Variants in THSD7B observed in about 807,000 individuals in gnomAD.
THSD7B encodes thrombospondin type 1 domain containing 7B.
A neutral mutation model predicts 213.6 loss-of-function variants in THSD7B; 138 were observed. The observed-to-expected ratio is 0.65, with a 90% CI of 0.56 to 0.74. The LOEUF (loss-of-function observed/expected upper bound fraction) is 0.74. Among genes scored for constraint, THSD7B ranks in the 30% least tolerant of loss-of-function variants. The probability of loss-of-function intolerance (pLI) is 0.00; values close to 1 mark genes in which losing one functional copy is unlikely to be tolerated. For synonymous variants in THSD7B, 742 were observed against 687.0 expected (o/e 1.08, Z -1.25); for missense variants, 1,931 against 1,991.5 (o/e 0.97, Z 0.58).
At chr2:137,227,110 AC>A (rs1389384023) in intron 7 of THSD7B, among the ~76,000 whole-genome samples, 1 of 152,148 alleles carries the variant, frequency 6.6e-6, no homozygotes, top group Non-Finnish European at 1.5e-5. Context: ...ATGGGGCTTT[AC>A]TTTGGAGTGA....
intron 2 of THSD7B, among the ~76,000 whole-genome samples, chr2:136,894,790 G>A (rs1683924682): frequency 6.6e-6 from 1 of 152,056 alleles, no homozygotes; most frequent in African/African-American, 2.4e-5. Context: ...GCACGTTAAA[G>A]TTTATTTTCT....
At chr2:137,367,077 CT>C (rs759809504) in intron 12 of THSD7B, among the ~76,000 whole-genome samples, 259 of 147,202 alleles carry the variant, frequency 1.8e-3, no homozygotes, top group African/African-American at 5.6e-3. Flanking sequence ...TGAATGGTTG[CT>C]TTTTTTTTTG....
chr2:137,632,054 A>C (rs953474368), intron 20 of THSD7B, among the ~76,000 whole-genome samples: 2 of 152,154 alleles, frequency 1.3e-5, no homozygotes, highest in African/African-American at 4.8e-5. Flanking sequence ...AAGGTTACAT[A>C]GTTTGTCAGT....
intron 2 of THSD7B, among the ~76,000 whole-genome samples, chr2:137,005,926 G>A (rs1211905964): frequency 6.6e-6 from 1 of 152,128 alleles, no homozygotes; most frequent in African/African-American, 2.4e-5. Flanking sequence ...ATGTGTCTGT[G>A]TATCCCATAG....
chr2:136,971,291 T>C (rs1404391995), intron 2 of THSD7B, among the ~76,000 whole-genome samples: 3 of 151,904 alleles, frequency 2.0e-5, no homozygotes, highest in Admixed American at 1.3e-4. Context: ...TATGTCATGG[T>C]ATTCTGAGTA....
intron 12 of THSD7B, among the ~76,000 whole-genome samples, chr2:137,359,561 A>G (rs1476061414): frequency 6.6e-6 from 1 of 152,160 alleles, no homozygotes; most frequent in Non-Finnish European, 1.5e-5. Context: ...AGGGTGGTAG[A>G]ATAGAGATGA....
chr2:137,314,924 G>T (rs1207040258), intron 12 of THSD7B, among the ~76,000 whole-genome samples: 1 of 152,188 alleles, frequency 6.6e-6, no homozygotes, highest in Non-Finnish European at 1.5e-5. Context: ...GTCAGACAGG[G>T]ACATTTAAGT....
At chr2:137,323,100 T>C (rs2104881639) in intron 12 of THSD7B, among the ~76,000 whole-genome samples, 1 of 152,164 alleles carries the variant, frequency 6.6e-6, no homozygotes, top group African/African-American at 2.4e-5. Flanking sequence ...TCAAGGAATG[T>C]GATAATAGAG....
intron 17 of THSD7B, among the ~76,000 whole-genome samples, chr2:137,580,356 G>T (rs1681548591): frequency 6.6e-6 from 1 of 152,032 alleles, no homozygotes; most frequent in African/African-American, 2.4e-5. Context: ...AATGTCTGAA[G>T]AAACAAATGG....
chr2:137,155,783 G>A (rs1219756989), intron 5 of THSD7B, among the ~76,000 whole-genome samples: 1 of 152,180 alleles, frequency 6.6e-6, no homozygotes, highest in Non-Finnish European at 1.5e-5. Context: ...AGGTATAAAG[G>A]GTTTAAAGTG....
intron 3 of THSD7B, among the ~76,000 whole-genome samples, chr2:137,080,767 T>C (rs1190935506): frequency 6.6e-6 from 1 of 152,164 alleles, no homozygotes; most frequent in Non-Finnish European, 1.5e-5. Context: ...TTTCATAGCA[T>C]GAAATATTTA....
chr2:137,078,251 A>C (rs1687671513), intron 3 of THSD7B, among the ~76,000 whole-genome samples: 2 of 152,196 alleles, frequency 1.3e-5, no homozygotes, highest in African/African-American at 4.8e-5. Flanking sequence ...GTTTGAAGTC[A>C]GATAGCGTGA....
chr2:137,086,932 A>G (rs1006597160), intron 3 of THSD7B, among the ~76,000 whole-genome samples: 2 of 152,254 alleles, frequency 1.3e-5, no homozygotes, highest in African/African-American at 4.8e-5. Flanking sequence ...TAACACATAG[A>G]GATATGTACA....
At chr2:137,051,735 T>G (rs1687074309) in intron 2 of THSD7B, among the ~76,000 whole-genome samples, 3 of 152,140 alleles carry the variant, frequency 2.0e-5, no homozygotes, top group Non-Finnish European at 4.4e-5. Context: ...AAACATCTCT[T>G]CTTATTGCAT....
chr2:137,372,485 G>C (rs933308637), intron 12 of THSD7B, among the ~76,000 whole-genome samples: 1 of 151,744 alleles, frequency 6.6e-6, no homozygotes, highest in East Asian at 1.9e-4. Flanking sequence ...GGAGACAAAA[G>C]TTACAGGCAA....
At chr2:137,472,827 T>TA (rs1445893537) in intron 15 of THSD7B, among the ~76,000 whole-genome samples, 2 of 152,200 alleles carry the variant, frequency 1.3e-5, no homozygotes, top group African/African-American at 4.8e-5. Context: ...ATTGAGATCT[T>TA]AGGCATTTTG....
At chr2:137,262,167 A>G (rs1682467473) in intron 10 of THSD7B, among the ~76,000 whole-genome samples, 1 of 152,192 alleles carries the variant, frequency 6.6e-6, no homozygotes, top group Non-Finnish European at 1.5e-5. Flanking sequence ...TAAAGCATTT[A>G]TAGAGTAGGG....
intron 12 of THSD7B, among the ~76,000 whole-genome samples, chr2:137,369,632 C>T (rs1211480455): frequency 6.6e-6 from 1 of 152,180 alleles, no homozygotes; most frequent in East Asian, 1.9e-4. Flanking sequence ...CCTTTCCACG[C>T]AACTCAGTAA....
intron 15 of THSD7B, among the ~76,000 whole-genome samples, chr2:137,510,372 G>GTA (rs1329567648): frequency 2.0e-5 from 3 of 152,020 alleles, no homozygotes; most frequent in Admixed American, 2.0e-4. Context: ...TTTTGCACAA[G>GTA]TACGGGTCCA....
Sources: gnomAD v4.1 joint callset for allele counts (sites outside exome capture counted in the v4.1 genomes callset) on GRCh38, gnomAD v4.1.1 for gene constraint, MANE v1.5 for transcripts, NCBI Gene and HGNC (gene_info 2026-07-23, HGNC 2026-07-21) for gene names.